WDR88: variants seen among roughly 807,000 people sequenced by gnomAD.
WDR88 encodes the protein WD repeat-containing protein 88.
Under a neutral mutation model 46.8 loss-of-function variants are expected in WDR88, and 40 were observed. The ratio of observed to expected loss-of-function variants is 0.86; its 90% CI spans 0.66 to 1.11. The LOEUF is 1.11. Among genes scored for constraint, WDR88 ranks in the 50% most tolerant of loss-of-function variants. The pLI is 0.00. For missense variants in WDR88, 562 were observed against 602.4 expected, an observed-to-expected ratio of 0.93 and a Z score of 0.70; for synonymous variants, 235 against 240.7, an observed-to-expected ratio of 0.98 and a Z score of 0.22.
At chr19:33,132,476 T>A (rs776826470) in intron 1 of WDR88, 31 bp downstream of exon 1, 2 of 1,606,092 alleles carry the variant, frequency 1.2e-6, no homozygotes, top group Non-Finnish European at 1.7e-6. Context: ...GAGGGGGCAC[T>A]GGCCTGTTCC....
rs143761984 is a variant in WDR88 at position 33,147,947 on chromosome 19, G to A, written c.540+239G>A. On this transcript the variant is annotated intron_variant, in intron 4 of 10. Transcript: ENST00000355868. ...GGGGAGGAAGACTCCTGGAGGAGGC[G>A]GATGGAACCAAGGCTTCTGCTTGAA... 4.1e-4 allele frequency among the ~76,000 whole-genome samples: 63 copies of A among 152,102 alleles called. No individual in the cohort carries two copies. In the East Asian group the frequency reaches 8.5e-3, roughly 21 times the overall value.
intron 2 of WDR88, among the ~76,000 whole-genome samples, chr19:33,141,227 G>GTT (rs745987290): frequency 0.01 from 1,163 of 113,352 alleles, 174 homozygotes; most frequent in African/African-American, 0.046. Context: ...GTGGGAGCAT[G>GTT]TTTTTTTTTT....
At position 33,160,436 on chromosome 19, in the gene WDR88, G is replaced by A; in HGVS notation, c.1020G>A (p.Gly340=). 1 of 1,614,198 alleles carries A rather than the reference G, an allele frequency of 6.2e-7. No homozygotes were observed. The highest frequency in any genetic ancestry group is 8.5e-7 in the Non-Finnish European group (1 of 1,180,038). Residue 340 remains glycine, a synonymous_variant, in exon 8 of 11, where the codon GGG becomes GGA. Coordinates refer to ENST00000355868, the MANE Select transcript of WDR88 (RefSeq NM_173479.4). The part of the protein sequence containing the change: ...ARDSSFLISG[G]FDRTVAIWDV... Reference sequence around the variant, plus strand: ...CAGGCTCTTTTCTCATTTCTGGAGGGTTTGATAGGACTGTGGCTATTTGGG... The same window carrying A: ...CAGGCTCTTTTCTCATTTCTGGAGGATTTGATAGGACTGTGGCTATTTGGG...
intron 9 of WDR88, among the ~76,000 whole-genome samples, chr19:33,169,004 C>T (rs371890353): frequency 6.6e-6 from 1 of 152,106 alleles, no homozygotes; most frequent in Non-Finnish European, 1.5e-5. Flanking sequence ...AAAGGGCAGT[C>T]TTTTCAACAA....
chr19:33,162,197 T>C (rs189406415), intron 8 of WDR88, among the ~76,000 whole-genome samples: 70 of 150,926 alleles, frequency 4.6e-4, no homozygotes, highest in African/African-American at 1.7e-3. Flanking sequence ...TCTGAGCTGT[T>C]TTTTTTGTTT....
chr19:33,133,419 G>C (rs1374478343), intron 1 of WDR88, among the ~76,000 whole-genome samples: 1 of 151,898 alleles, frequency 6.6e-6, no homozygotes, highest in Non-Finnish European at 1.5e-5. Context: ...ATGGTGGTGC[G>C]TGCCTGTAAT....
chr19:33,143,165 T>C (rs1350195515), intron 2 of WDR88, among the ~76,000 whole-genome samples: 1 of 147,834 alleles, frequency 6.8e-6, no homozygotes, highest in Non-Finnish European at 1.5e-5. Context: ...CCCTCATCTC[T>C]ATAAAATAAA....
rs200059494 is a variant in WDR88 at position 33,174,269 on chromosome 19, G to A, written c.1243-1127G>A. 3,004 of 1,535,016 alleles carry A rather than the reference G, an allele frequency of 2.0e-3. 4 individuals carry two copies. Among genetic ancestry groups the A allele is most frequent in the Non-Finnish European group, 2.4e-3 (2,754 of 1,146,192 alleles). On this transcript the variant is annotated intron_variant, in intron 10 of 10. Coordinates refer to ENST00000355868, the MANE Select transcript of WDR88 (RefSeq NM_173479.4). ...GAATCAATCAACATGAGAAGCCTGA[G>A]GCCAGGCTTCCCCGAGGCCTGCCCC...
At chr19:33,132,574 C>T (rs931629959) in intron 1 of WDR88, 129 bp downstream of exon 1, 2 of 1,364,384 alleles carry the variant, frequency 1.5e-6, no homozygotes, top group East Asian at 4.9e-5. Flanking sequence ...GCCCTAGGCC[C>T]ATTTCCCCAT....
Position 33,144,858 on chromosome 19 carries a change from T to G in WDR88, c.402T>G (p.Gly134=). 2 of 1,613,670 alleles carry G rather than the reference T, an allele frequency of 1.2e-6. No homozygotes were observed. Among genetic ancestry groups the G allele is most frequent in the South Asian group, 2.2e-5 (2 of 90,894 alleles). Residue 134 remains glycine, a synonymous_variant, in exon 3 of 11, where the codon GGT becomes GGG. Coordinates refer to ENST00000355868, the MANE Select transcript of WDR88 (RefSeq NM_173479.4). Reference sequence around the variant, plus strand: ...GTTGATTTGAGGATCCGGTGGACGGTTCTGTGGTTCGCGATTTTGAGCACA... The same window carrying G: ...GTTGATTTGAGGATCCGGTGGACGGGTCTGTGGTTCGCGATTTTGAGCACA... The part of the protein sequence containing the change: ...CTVKLWDPVD[G]SVVRDFEHRP...
chr19:33,149,298 GCAGA>G (rs978006523), intron 5 of WDR88, among the ~76,000 whole-genome samples: 89 of 151,590 alleles, frequency 5.9e-4, no homozygotes, highest in African/African-American at 2.0e-3. Context: ...CTCCAGCCTG[GCAGA>G]CAGAGTGAGA....
intron 6 of WDR88, 118 bp from the exon 7 acceptor site, chr19:33,156,237 G>T: frequency 9.8e-7 from 1 of 1,023,068 alleles, no homozygotes; most frequent in Non-Finnish European, 1.4e-6. Context: ...GGGGCGAAGT[G>T]CTAGCATGTG....
chr19:33,140,753 G>A (rs143721115), intron 2 of WDR88, among the ~76,000 whole-genome samples: 18,034 of 151,534 alleles, frequency 0.12, 1,222 homozygotes, highest in South Asian at 0.2. Flanking sequence ...TCGCACCACT[G>A]CACTCCAGCC....
At chr19:33,137,937 G>A (rs996228536) in intron 2 of WDR88, 150 bp downstream of exon 2, 11 of 647,682 alleles carry the variant, frequency 1.7e-5, no homozygotes, top group Non-Finnish European at 2.9e-5. Flanking sequence ...GGAGGAGAGG[G>A]TGAGAGCCCA....
At chr19:33,133,063 A>G (rs561158445) in intron 1 of WDR88, among the ~76,000 whole-genome samples, 1 of 151,992 alleles carries the variant, frequency 6.6e-6, no homozygotes, top group South Asian at 2.1e-4. Context: ...AGGCTGAGGC[A>G]AGAGGATCCC....
intron 2 of WDR88, among the ~76,000 whole-genome samples, chr19:33,144,325 G>T (rs1407608580): frequency 6.6e-6 from 1 of 152,134 alleles, no homozygotes; most frequent in African/African-American, 2.4e-5. Context: ...TCAGCCTCAT[G>T]AATAGCTGGG....
intron 3 of WDR88, 94 bp from the exon 4 acceptor site, chr19:33,147,551 C>G: frequency 8.3e-7 from 1 of 1,208,042 alleles, no homozygotes; most frequent in Non-Finnish European, 1.2e-6. Flanking sequence ...TGCAGTGAGC[C>G]GGTATTGCAC....
chr19:33,142,878 A>AAAAAAAAAAAAAAG (rs1289318961), intron 2 of WDR88: 7 of 142,874 alleles, frequency 4.9e-5, no homozygotes, highest in African/African-American at 1.6e-4. Context: ...AAAAAAAAAA[A>AAAAAAAAAAAAAAG]AAGGCCGGGG....
At chr19:33,148,501 C>A (rs560223829) in intron 4 of WDR88, among the ~76,000 whole-genome samples, 92 of 152,292 alleles carry the variant, frequency 6.0e-4, no homozygotes, top group African/African-American at 2.1e-3. Flanking sequence ...AACACAGTGG[C>A]GCCATCGTAG....
Sources: allele counts gnomAD v4.1 joint callset (sites outside exome capture counted in the v4.1 genomes callset), GRCh38; gene constraint gnomAD v4.1.1; transcripts MANE v1.5; gene names NCBI Gene and HGNC (gene_info 2026-07-23, HGNC 2026-07-21).